The following FEZ2 variants were observed in gnomAD, a reference collection of about 807,000 sequenced individuals.
FEZ2 encodes fasciculation and elongation protein zeta 2.
In FEZ2, 51 loss-of-function variants were observed where a neutral mutation model predicts 40.4. The observed-to-expected ratio is 1.26, with a 90% confidence interval of 1.01 to 1.59. The LOEUF is 1.59. FEZ2 is among the 40% of genes most tolerant of loss of function. The pLI, the probability that FEZ2 is intolerant of heterozygous loss-of-function variation, is 0.00. For missense variants in FEZ2, 640 were observed against 438.3 expected, an observed-to-expected ratio of 1.46 and a Z score of -4.11; for synonymous variants, 242 against 172.0, an observed-to-expected ratio of 1.41 and a Z score of -3.18.
intron 5 of FEZ2, chr2:36,559,018 C>A (rs190156622): frequency 6.6e-6 from 1 of 152,194 alleles, no homozygotes; most frequent in South Asian, 2.1e-4. Context: ...GAAAAACACA[C>A]ACTAGCTTCT....
At chr2:36,594,954 A>G (rs1420850761) in intron 1 of FEZ2, among the ~76,000 whole-genome samples, 1 of 152,244 alleles carries the variant, frequency 6.6e-6, no homozygotes, top group Non-Finnish European at 1.5e-5. Flanking sequence ...ACTCTAGTGA[A>G]AGATTTCTAG....
intron 3 of FEZ2, among the ~76,000 whole-genome samples, chr2:36,581,839 T>C (rs1453271605): frequency 6.6e-6 from 1 of 152,124 alleles, no homozygotes; most frequent in East Asian, 1.9e-4. Flanking sequence ...AATTTAAAGG[T>C]ATCTCATCAA....
At chr2:36,591,812 GC>G (rs1669082490) in intron 1 of FEZ2, among the ~76,000 whole-genome samples, 1 of 152,050 alleles carries the variant, frequency 6.6e-6, no homozygotes, top group African/African-American at 2.4e-5. Flanking sequence ...CATTGGCCAG[GC>G]CCCTTAACCT....
chr2:36,552,873 TGAGAA>T lies in FEZ2; in HGVS notation c.*285_*289del. On this transcript the variant is annotated 3_prime_UTR_variant, in exon 8 of 8. Transcript: ENST00000405912. Reference sequence around the variant, plus strand: ...AACAAATGGGCATACTGTCAGTTAATGAGAAATACAACTGCACATGCACAATTAAT... The same window carrying T: ...AACAAATGGGCATACTGTCAGTTAATATACAACTGCACATGCACAATTAAT... 1 of 361,872 alleles carries T rather than the reference TGAGAA, an allele frequency of 2.8e-6. No individual in the cohort carries two copies. Among genetic ancestry groups the T allele is most frequent in the Admixed American group, 4.4e-5 (1 of 22,934 alleles). 22.4% of individuals were successfully genotyped at this position (361,872 alleles called of 1,614,324 possible).
chr2:36,595,846 AT>A (rs1303562729), intron 1 of FEZ2, among the ~76,000 whole-genome samples: 1 of 152,232 alleles, frequency 6.6e-6, no homozygotes, highest in Admixed American at 6.5e-5. Context: ...ACTAAATACC[AT>A]TAACAAGAGC....
intron 2 of FEZ2, among the ~76,000 whole-genome samples, chr2:36,586,997 T>C (rs1050664289): frequency 6.6e-6 from 1 of 152,212 alleles, no homozygotes; most frequent in South Asian, 2.1e-4. Flanking sequence ...CTTTTTCTTA[T>C]TTCTACTCTT....
At chr2:36,586,230 C>G (rs1488835499) in intron 2 of FEZ2, among the ~76,000 whole-genome samples, 1 of 152,158 alleles carries the variant, frequency 6.6e-6, no homozygotes, top group Non-Finnish European at 1.5e-5. Flanking sequence ...CCTTACACTT[C>G]GAACACTTCA....
At chr2:36,593,357 C>A (rs1417272879) in intron 1 of FEZ2, among the ~76,000 whole-genome samples, 2 of 152,108 alleles carry the variant, frequency 1.3e-5, no homozygotes, top group Non-Finnish European at 2.9e-5. Flanking sequence ...GGCTCCAACC[C>A]CACATTTCCC....
At chr2:36,592,700 G>A (rs1220277712) in intron 1 of FEZ2, among the ~76,000 whole-genome samples, 1 of 151,248 alleles carries the variant, frequency 6.6e-6, no homozygotes, top group Non-Finnish European at 1.5e-5. Flanking sequence ...CGCAGTCCCA[G>A]CTACTTTTGG....
At chr2:36,587,329 T>C (rs1172525497) in intron 2 of FEZ2, among the ~76,000 whole-genome samples, 1 of 152,200 alleles carries the variant, frequency 6.6e-6, no homozygotes, top group East Asian at 1.9e-4. Context: ...TAGCCCTGGC[T>C]GTCATGGGTA....
intron 5 of FEZ2, chr2:36,559,299 C>A (rs1668031788): frequency 6.6e-6 from 1 of 152,170 alleles, no homozygotes; most frequent in African/African-American, 2.4e-5. Context: ...TCCAGATTTT[C>A]CTGTTCTTAC....
chr2:36,590,535 G>A (rs1160536721), intron 2 of FEZ2: 5 of 171,586 alleles, frequency 2.9e-5, no homozygotes, highest in Non-Finnish European at 1.2e-5. Context: ...GGGACTGGTG[G>A]CTCATGCCTG....
In FEZ2 at chr2:36,553,253, G is replaced by A. The variant is rs1454822739; in HGVS notation, c.1046-74C>T. 35 of 1,108,014 alleles carry A rather than the reference G, an allele frequency of 3.2e-5. No individual in the cohort carries two copies. The Admixed American group carries it at 7.6e-4, about 24-fold the overall frequency. 68.6% of individuals were successfully genotyped at this position (1,108,014 alleles called of 1,614,324 possible). ...TTTACACAAAACATACATTTTACATGTACATTTAAAAACCATTAAGTAATG... is the reference window on the plus strand; with the variant it reads ...TTTACACAAAACATACATTTTACATATACATTTAAAAACCATTAAGTAATG... On this transcript the variant is annotated intron_variant, in intron 7 of 7. Transcript: ENST00000405912.
chr2:36,578,582 C>A lies in FEZ2; in HGVS notation c.903+15G>T. Reference sequence around the variant, plus strand: ...TGTTTCCAGTGTTCGACGCCTCCTGCAAAACATCACTTACTGTGCCGGGCA... The same window carrying A: ...TGTTTCCAGTGTTCGACGCCTCCTGAAAAACATCACTTACTGTGCCGGGCA... On this transcript the variant is annotated intron_variant, in intron 5 of 7. Coordinates refer to ENST00000405912, the MANE Select transcript of FEZ2 (RefSeq NM_005102.3). The A allele has an allele frequency of 6.2e-7, 1 of 1,602,604 alleles. No individual in the cohort carries two copies. The highest frequency in any genetic ancestry group is 8.5e-7 in the Non-Finnish European group (1 of 1,175,214).
In FEZ2 at chr2:36,593,782, T is replaced by C. The variant is rs147108318; in HGVS notation, c.267-2771A>G. On this transcript the variant is annotated intron_variant, in intron 1 of 7. Transcript: ENST00000405912. ...TTCCCCATGGTCGTGGGGATTAACATTAGGGTCCTTGCTACTTACGCAAAT... is the reference window on the plus strand; with the variant it reads ...TTCCCCATGGTCGTGGGGATTAACACTAGGGTCCTTGCTACTTACGCAAAT... Among the ~76,000 whole-genome samples, 24 of 152,070 alleles carry C rather than the reference T, an allele frequency of 1.6e-4. 4 individuals are homozygous for C. In the East Asian group the frequency reaches 4.8e-3, roughly 30 times the overall value.
At chr2:36,562,524 T>C (rs1485520984) in intron 5 of FEZ2, among the ~76,000 whole-genome samples, 1 of 152,210 alleles carries the variant, frequency 6.6e-6, no homozygotes, top group Non-Finnish European at 1.5e-5. Flanking sequence ...CTACCTAGCC[T>C]TTCCCAGATT....
intron 5 of FEZ2, among the ~76,000 whole-genome samples, chr2:36,576,888 T>C (rs1206231015): frequency 1.3e-5 from 2 of 152,236 alleles, no homozygotes; most frequent in Non-Finnish European, 2.9e-5. Flanking sequence ...GGGATAAATT[T>C]ACTTTTCTCA....
intron 3 of FEZ2, among the ~76,000 whole-genome samples, chr2:36,582,985 G>A (rs1339488696): frequency 6.6e-6 from 1 of 152,148 alleles, no homozygotes; most frequent in Non-Finnish European, 1.5e-5. Context: ...TTTACCCAGG[G>A]TTTTGAAGAT....
chr2:36,582,887 G>C (rs1012026355), intron 3 of FEZ2, among the ~76,000 whole-genome samples: 4 of 152,198 alleles, frequency 2.6e-5, no homozygotes, highest in Admixed American at 2.6e-4. Flanking sequence ...AGTGAATACA[G>C]GGTTGACCTT....
Sources: allele counts gnomAD v4.1 joint callset (sites outside exome capture counted in the v4.1 genomes callset), GRCh38; gene constraint gnomAD v4.1.1; transcripts MANE v1.5; gene names NCBI Gene and HGNC (gene_info 2026-07-23, HGNC 2026-07-21).